The following REDIC1 variants were observed in gnomAD, a reference collection of about 807,000 sequenced individuals.
The protein encoded by REDIC1 is regulator of DNA class I crossover intermediates 1, also known as HEI10 Interacting Protein 1.
chr12:39,735,623 T>C, the REDIC1 span, among the ~76,000 whole-genome samples: 1 of 152,218 alleles, frequency 6.6e-6, no homozygotes, highest in African/African-American at 2.4e-5. Flanking sequence ...AAAAGGCTTT[T>C]GGACGAAGGC....
At chr12:39,905,678 T>G in the REDIC1 span, among the ~76,000 whole-genome samples, 10 of 152,068 alleles carry the variant, frequency 6.6e-5, no homozygotes, top group Non-Finnish European at 1.2e-4. Context: ...CTATAAACAT[T>G]AATATTTTAA....
the REDIC1 span, among the ~76,000 whole-genome samples, chr12:39,900,462 CT>C: frequency 3.9e-3 from 599 of 152,082 alleles, 1 homozygote; most frequent in African/African-American, 0.013. Flanking sequence ...CCAAAATCTC[CT>C]TAAGCTGATA....
the REDIC1 span, among the ~76,000 whole-genome samples, chr12:39,627,792 A>G: frequency 6.6e-6 from 1 of 152,188 alleles, no homozygotes; most frequent in Non-Finnish European, 1.5e-5. Flanking sequence ...TTATTTGGAA[A>G]TGGCAGAATT....
the REDIC1 span, among the ~76,000 whole-genome samples, chr12:39,895,537 TATATATATATATATACAC>T: frequency 2.8e-5 from 3 of 106,156 alleles, no homozygotes; most frequent in Admixed American, 3.1e-4. Context: ...TATATATATA[TATATATATATATATACAC>T]ACACACACAC....
At chr12:39,650,090 A>G in the REDIC1 span, 1 of 810,814 alleles carries the variant, frequency 1.2e-6, no homozygotes, top group East Asian at 3.5e-5. This position sits in a 1 kb window ranked among gnomAD's most constrained non-coding sequence, Gnocchi z 4.3. Flanking sequence ...TTTGTTTTCA[A>G]TAAGTAGTAA....
chr12:39,792,101 C>G, the REDIC1 span, among the ~76,000 whole-genome samples: 2 of 78,900 alleles, frequency 2.5e-5, no homozygotes, highest in South Asian at 5.5e-4. Flanking sequence ...CTTTGACAAA[C>G]CTGAGAAAAA....
the REDIC1 span, among the ~76,000 whole-genome samples, chr12:39,874,341 C>T: frequency 3.3e-5 from 5 of 152,060 alleles, no homozygotes; most frequent in African/African-American, 1.2e-4. Context: ...GGGCCGGGCA[C>T]GGTGGCTCAC....
chr12:39,862,720 A>G, the REDIC1 span, among the ~76,000 whole-genome samples: 4 of 152,136 alleles, frequency 2.6e-5, no homozygotes, highest in Non-Finnish European at 5.9e-5. Flanking sequence ...ATTCTTAATT[A>G]TTGTGTATGC....
chr12:39,750,372 T>A, the REDIC1 span, among the ~76,000 whole-genome samples: 2 of 152,128 alleles, frequency 1.3e-5, no homozygotes, highest in Non-Finnish European at 2.9e-5. Flanking sequence ...GTGAAGGACC[T>A]CTTCAAGAAC....
At chr12:39,839,202 G>A in the REDIC1 span, among the ~76,000 whole-genome samples, 2 of 152,160 alleles carry the variant, frequency 1.3e-5, no homozygotes, top group East Asian at 1.9e-4. Context: ...ACTACCAGTC[G>A]GGACAGCGAC....
the REDIC1 span, among the ~76,000 whole-genome samples, chr12:39,786,209 C>T: frequency 2.0e-5 from 3 of 152,098 alleles, no homozygotes; most frequent in Non-Finnish European, 4.4e-5. Context: ...GTGGGAGGTA[C>T]CCAGGGGGAG....
the REDIC1 span, among the ~76,000 whole-genome samples, chr12:39,714,264 T>C: frequency 1.8e-5 from 2 of 110,970 alleles, no homozygotes; most frequent in African/African-American, 5.9e-5. Flanking sequence ...TATGCATGCA[T>C]ATATGTATAT....
At chr12:39,787,996 G>A in the REDIC1 span, among the ~76,000 whole-genome samples, 1 of 152,112 alleles carries the variant, frequency 6.6e-6, no homozygotes, top group Non-Finnish European at 1.5e-5. Flanking sequence ...GCCAAGGAAT[G>A]AGAATGTAGT....
At chr12:39,886,567 T>A in the REDIC1 span, among the ~76,000 whole-genome samples, 1 of 152,138 alleles carries the variant, frequency 6.6e-6, no homozygotes, top group African/African-American at 2.4e-5. Context: ...TGGCTAATTC[T>A]GAAAAATAGA....
chr12:39,838,195 C>T, the REDIC1 span, among the ~76,000 whole-genome samples: 851 of 150,742 alleles, frequency 5.6e-3, 12 homozygotes, highest in African/African-American at 0.02. Flanking sequence ...TTTGTAGGGA[C>T]ATGGATGAAA....
At chr12:39,825,542 G>A in the REDIC1 span, among the ~76,000 whole-genome samples, 7 of 152,164 alleles carry the variant, frequency 4.6e-5, no homozygotes, top group East Asian at 1.9e-4. Flanking sequence ...ACAGAGGTTC[G>A]GAATTGGTTC....
At chr12:39,776,806 C>T in the REDIC1 span, among the ~76,000 whole-genome samples, 3 of 152,138 alleles carry the variant, frequency 2.0e-5, no homozygotes, top group African/African-American at 4.8e-5. Flanking sequence ...TCAAGCATGT[C>T]TCTTTTCTGC....
chr12:39,844,013 G>A, the REDIC1 span, among the ~76,000 whole-genome samples: 1 of 151,882 alleles, frequency 6.6e-6, no homozygotes, highest in African/African-American at 2.4e-5. Context: ...TACCAAAAAG[G>A]ATAAATAAAA....
the REDIC1 span, among the ~76,000 whole-genome samples, chr12:39,732,524 T>C: frequency 6.6e-6 from 1 of 152,144 alleles, no homozygotes; most frequent in South Asian, 2.1e-4. Flanking sequence ...GTGATATACT[T>C]TTATGTCATT....
Sources: gnomAD v4.1 joint callset for allele counts (sites outside exome capture counted in the v4.1 genomes callset) on GRCh38, gnomAD v4.1.1 for gene constraint, Gnocchi (gnomAD v3.1) non-coding constraint, MANE v1.5 for transcripts, NCBI Gene and HGNC (gene_info 2026-07-23, HGNC 2026-07-21) for gene names.